The following ENSA variants were observed in gnomAD, a reference collection of about 807,000 sequenced individuals.
ENSA encodes the protein endosulfine alpha, also known as alpha-endosulfine.
ENSA carries 7 observed loss-of-function variants against 16.8 expected under a neutral mutation model. The ratio of observed to expected loss-of-function variants is 0.42; its 90% CI spans 0.24 to 0.78. The LOEUF is 0.78. ENSA is among the 30% of genes least tolerant of loss of function. The pLI is 0.29. For missense variants in ENSA, 87 were observed against 142.3 expected (o/e 0.61, Z 1.98); for synonymous variants, 58 against 53.4 (o/e 1.09, Z -0.37).
intron 2 of ENSA, chr1:150,627,233 AC>A: frequency 6.6e-7 from 1 of 1,511,774 alleles, no homozygotes; most frequent in Non-Finnish European, 8.8e-7. Context: ...ATTTCCCCAC[AC>A]ACCCAAATGC....
At chr1:150,623,618 C>T (rs978154207) in intron 3 of ENSA, 6 of 977,228 alleles carry the variant, frequency 6.1e-6, no homozygotes, top group Admixed American at 6.2e-5. Context: ...ATGAAGAAAA[C>T]GTACAAAATT....
intron 3 of ENSA, 132 bp from the exon 4 acceptor site, chr1:150,622,991 G>C: frequency 8.3e-7 from 1 of 1,211,308 alleles, no homozygotes. Context: ...TACCTGGCAT[G>C]TCTCAATCCT....
chr1:150,622,934 A>G (rs936477315), intron 3 of ENSA, 75 bp from the exon 4 acceptor site: 2 of 1,502,950 alleles, frequency 1.3e-6, no homozygotes, highest in Non-Finnish European at 1.8e-6. Flanking sequence ...CTGAACTCCA[A>G]CCCAGTCTCT....
At chr1:150,627,295 C>A (rs771318784) in intron 2 of ENSA, 172 bp downstream of exon 2, 80 of 1,574,720 alleles carry the variant, frequency 5.1e-5, no homozygotes, top group Non-Finnish European at 6.4e-5. Flanking sequence ...GGAATTGATA[C>A]CACATCAGGG....
intron 3 of ENSA, among the ~76,000 whole-genome samples, chr1:150,623,107 TAG>T (rs1271302142): frequency 6.6e-6 from 1 of 152,140 alleles, no homozygotes. Context: ...ATAACAAACA[TAG>T]AAAAATAATT....
intron 3 of ENSA, chr1:150,623,687 G>A (rs1334170923): frequency 1.0e-6 from 1 of 985,420 alleles, no homozygotes; most frequent in African/African-American, 1.7e-5. Context: ...GGCTGGGACA[G>A]TTGAAGAAAC....
intron 1 of ENSA, among the ~76,000 whole-genome samples, chr1:150,628,498 CTT>C (rs36124577): frequency 1.2e-4 from 17 of 142,834 alleles, no homozygotes; most frequent in Admixed American, 2.1e-4. Flanking sequence ...TAGTCAATCT[CTT>C]TTTTTTTTTT....
At chr1:150,624,573 A>T in intron 3 of ENSA, 1 of 985,762 alleles carries the variant, frequency 1.0e-6, no homozygotes. Context: ...CTAGCTTCCT[A>T]AGTATTTTTT....
chr1:150,624,419 A>C, intron 3 of ENSA: 1 of 985,940 alleles, frequency 1.0e-6, no homozygotes, highest in Non-Finnish European at 1.2e-6. Context: ...ATCAGACTGC[A>C]TCTGAAACAT....
At chr1:150,628,975 C>T (rs774799544) in intron 1 of ENSA, 8 of 1,450,432 alleles carry the variant, frequency 5.5e-6, no homozygotes, top group Non-Finnish European at 7.7e-6. Context: ...TCCCCCAATA[C>T]TGGTTTTTTT....
intron 2 of ENSA, chr1:150,626,331 C>A: frequency 1.4e-6 from 1 of 698,382 alleles, no homozygotes; most frequent in Non-Finnish European, 2.5e-6. Context: ...TTCCTTCTGA[C>A]TCTCACAGCT....
downstream of ENSA, chr1:150,621,401 G>A (rs1303645978): frequency 6.6e-6 from 1 of 152,334 alleles, no homozygotes; most frequent in Non-Finnish European, 1.5e-5. Context: ...AGCCTCCCAA[G>A]TAAGTGGGAT....
Position 150,622,869 on chromosome 1 carries a change from A to G in ENSA, c.351-10T>C. ...TCATTCAACTTGGCCACTGCGGACG[A>G]ACACAGAAGAAAAAAAAAAAAAACA... On this transcript the variant is annotated splice_polypyrimidine_tract_variant and intron_variant, in intron 3 of 3. Transcript: ENST00000369014. The G allele has an allele frequency of 1.3e-6, 2 of 1,547,318 alleles. No homozygotes were observed. The highest frequency in any genetic ancestry group is 1.7e-6 in the Non-Finnish European group (2 of 1,145,892).
At position 150,627,574 on chromosome 1, in the gene ENSA, C is replaced by A; in HGVS notation, c.76G>T (p.Gly26Cys). ...EEKQDTQEKE[G>C]ILPERAEEAK... ...TCTTCAGCTCTCTCAGGCAGAATACCTTCTTTCTCCTGCGTGTCCTGGAGA... is the reference window on the plus strand; with the variant it reads ...TCTTCAGCTCTCTCAGGCAGAATACATTCTTTCTCCTGCGTGTCCTGGAGA... Residue 26 changes from glycine to cysteine, a missense_variant, in exon 2 of 4, where the codon GGT becomes TGT. Transcript: ENST00000369014. 2.5e-6 allele frequency: 4 copies of A among 1,611,024 alleles called. No individual in the cohort carries two copies. The highest frequency in any genetic ancestry group is 1.1e-5 in the South Asian group (1 of 90,378).
intron 2 of ENSA, 102 bp from the exon 3 acceptor site, chr1:150,625,910 G>A (rs771733611): frequency 1.1e-5 from 16 of 1,454,778 alleles, no homozygotes; most frequent in East Asian, 2.5e-5. Context: ...ATGCACACTC[G>A]GATCTTTCAA....
At chr1:150,624,411 C>CA in intron 3 of ENSA, 1 of 985,906 alleles carries the variant, frequency 1.0e-6, no homozygotes, top group South Asian at 4.7e-5. Flanking sequence ...TACCTGGCAT[C>CA]AGACTGCATC....
Position 150,629,543 on chromosome 1 carries a change from G to A in ENSA, c.-73C>T, listed in dbSNP as rs1232986949. ...AGAAGGGAAGGGGGAGGGGAAACGG[G>A]GACAACCTGCGCTGCTGCTTCGGCT... On this transcript the variant is annotated 5_prime_UTR_variant, in exon 1 of 4. Transcript: ENST00000369014. 4 of 1,562,012 alleles carry A rather than the reference G, an allele frequency of 2.6e-6. No individual in the cohort carries two copies. Among genetic ancestry groups the A allele is most frequent in the Non-Finnish European group, 3.5e-6 (4 of 1,148,984 alleles).
At chr1:150,623,407 C>G (rs1649090312) in intron 3 of ENSA, 1 of 985,724 alleles carries the variant, frequency 1.0e-6, no homozygotes, top group Non-Finnish European at 1.2e-6. Context: ...CAGAATGTAG[C>G]TTGTTTGTTT....
In ENSA at chr1:150,629,577, TA is replaced by T; in HGVS notation, c.-108del. The T allele has an allele frequency of 7.0e-7, 1 of 1,422,390 alleles. No homozygotes were observed. The highest frequency in any genetic ancestry group is 2.3e-5 in the East Asian group (1 of 43,440). 88.1% of individuals were successfully genotyped at this position (1,422,390 alleles called of 1,614,324 possible). On this transcript the variant is annotated 5_prime_UTR_variant, in exon 1 of 4. Transcript: ENST00000369014. ...GCGCTGCTGCTTCGGCTCCTGTCAC[TA>T]GGGTTGCTCAGTCAAAATGGCGGCC...
Sources: gnomAD v4.1 joint callset for allele counts (sites outside exome capture counted in the v4.1 genomes callset) on GRCh38, gnomAD v4.1.1 for gene constraint, MANE v1.5 for transcripts, NCBI Gene and HGNC (gene_info 2026-07-23, HGNC 2026-07-21) for gene names.